TCP11: variants seen among roughly 807,000 people sequenced by gnomAD.
The protein encoded by TCP11 is T-complex protein 11 homolog.
Under a neutral mutation model 45.0 loss-of-function variants are expected in TCP11, and 34 were observed. The observed-to-expected ratio is 0.76, with a 90% CI of 0.57 to 1.01. TCP11 has a LOEUF of 1.01. Ranked by LOEUF, TCP11 falls within the 50% of genes least tolerant of loss-of-function variation. The probability of loss-of-function intolerance (pLI) is 0.00; values close to 1 mark genes in which losing one functional copy is unlikely to be tolerated. For missense variants in TCP11, 523 were observed against 598.1 expected, an observed-to-expected ratio of 0.87 and a Z score of 1.31; for synonymous variants, 227 against 227.0, an observed-to-expected ratio of 1.00 and a Z score of 0.00.
At chr6:35,121,093 A>G (rs1370938444) in intron 5 of TCP11, 48 bp from the exon 6 acceptor site, 13 of 1,525,528 alleles carry the variant, frequency 8.5e-6, no homozygotes, top group Non-Finnish European at 1.1e-5. Context: ...CTAGAAACCC[A>G]CCCAAGGAGT....
intron 1 of TCP11, 55 bp downstream of exon 1, chr6:35,141,150 G>GC: frequency 3.8e-6 from 5 of 1,316,780 alleles, no homozygotes; most frequent in South Asian, 2.0e-5. Context: ...GCGGCGAGGT[G>GC]CCCCCCTCGC....
At chr6:35,135,189 C>T (rs1042405321) in intron 3 of TCP11, among the ~76,000 whole-genome samples, 2 of 151,528 alleles carry the variant, frequency 1.3e-5, no homozygotes, top group Non-Finnish European at 2.9e-5. Flanking sequence ...AATGGGATGT[C>T]ACTTCTGAGA....
At chr6:35,129,613 T>C (rs1433848314) in intron 3 of TCP11, among the ~76,000 whole-genome samples, 1 of 152,222 alleles carries the variant, frequency 6.6e-6, no homozygotes, top group Non-Finnish European at 1.5e-5. Context: ...TCCACAGATA[T>C]TTCCAAATCA....
rs1780131659 is a variant in TCP11 at position 35,129,089 on chromosome 6, A to G, written c.330T>C (p.Ala110=). 6 of 1,614,004 alleles carry G rather than the reference A, an allele frequency of 3.7e-6. No homozygotes were observed. Among genetic ancestry groups the G allele is most frequent in the Non-Finnish European group, 5.1e-6 (6 of 1,180,006 alleles). ...LSATPPDFSC[A]LELLKEIKEI... ...CTTTAATTTCTTTCAGAAGTTCAAG[A>G]GCACAGCTGAAGTCAGGGGGAGTTG... Residue 110 remains alanine (A), a synonymous_variant, in exon 4 of 10, where the codon GCT becomes GCC. Coordinates refer to ENST00000311875, the MANE Select transcript of TCP11 (RefSeq NM_001370687.1).
chr6:35,128,571 G>A (rs1780073401), intron 4 of TCP11: 1 of 153,146 alleles, frequency 6.5e-6, no homozygotes, highest in African/African-American at 2.4e-5. Context: ...CGGTATGTCT[G>A]CCACATACTA....
intron 1 of TCP11, 86 bp downstream of exon 1, chr6:35,141,119 C>T: frequency 2.3e-6 from 3 of 1,302,748 alleles, no homozygotes; most frequent in Non-Finnish European, 2.9e-6. Flanking sequence ...GGGCGGGAAG[C>T]GTGGGAAGGC....
In TCP11 at chr6:35,119,384, C is replaced by T. The variant is rs755339702; in HGVS notation, c.1123G>A (p.Glu375Lys). 1.9e-6 allele frequency: 3 copies of T among 1,614,000 alleles called. No individual in the cohort carries two copies. In the African/African-American group the frequency reaches 4.0e-5, roughly 22 times the overall value. The change falls in exon 9 of 10, where the codon GAA becomes AAA. Residue 375 changes from glutamate (E) to lysine (K), a missense_variant. This residue lies in a region of TCP11 where 298 missense variants were observed against 387.9 expected (regional missense o/e 0.77). Coordinates refer to ENST00000311875, the MANE Select transcript of TCP11 (RefSeq NM_001370687.1). ...LLEDFHSRPE[E>K]AILTVSEQVS... ...TGTTCACTCACAGTCAGTATAGCTT[C>T]CTCAGGCCTAGACCATGAAAGAAAG...
chr6:35,125,780 T>C (rs1299502165), intron 4 of TCP11, among the ~76,000 whole-genome samples: 1 of 152,210 alleles, frequency 6.6e-6, no homozygotes, highest in African/African-American at 2.4e-5. Flanking sequence ...TCAACAGATG[T>C]ATGAACAAAA....
At chr6:35,135,084 T>G (rs1447703193) in intron 3 of TCP11, among the ~76,000 whole-genome samples, 1 of 150,972 alleles carries the variant, frequency 6.6e-6, no homozygotes, top group Non-Finnish European at 1.5e-5. Context: ...GAGGCAGAGG[T>G]TGCAGTGAGC....
chr6:35,131,122 A>G (rs539549019), intron 3 of TCP11, among the ~76,000 whole-genome samples: 1 of 152,280 alleles, frequency 6.6e-6, no homozygotes, highest in African/African-American at 2.4e-5. Flanking sequence ...AAAATACAAA[A>G]ATTAGCTGGG....
chr6:35,135,894 G>C (rs1332411351), intron 3 of TCP11, among the ~76,000 whole-genome samples: 2 of 152,130 alleles, frequency 1.3e-5, no homozygotes, highest in Non-Finnish European at 2.9e-5. Context: ...GTGTTGCTTT[G>C]GTTTATTTGT....
intron 3 of TCP11, among the ~76,000 whole-genome samples, chr6:35,130,266 G>C (rs1443386254): frequency 6.6e-6 from 1 of 152,144 alleles, no homozygotes; most frequent in African/African-American, 2.4e-5. Flanking sequence ...GATAACATAG[G>C]AGGAAATATA....
chr6:35,119,145 C>T, intron 9 of TCP11, 83 bp downstream of exon 9: 1 of 1,538,882 alleles, frequency 6.5e-7, no homozygotes. Flanking sequence ...AATGACCATG[C>T]TTCATGTTGT....
chr6:35,141,245 C>T lies in TCP11; in HGVS notation c.-55G>A, dbSNP rs1301083752. ...CGCGGGTCATCCACTGGCGTCCGCT[C>T]GGTGGGCCTCGCGGCCTGGCGGCCT... is the stretch of plus-strand genomic sequence containing the variant. On this transcript the variant is annotated 5_prime_UTR_variant, in exon 1 of 10. Transcript: ENST00000311875. The T allele has an allele frequency of 8.2e-6, 11 of 1,333,606 alleles. No homozygotes were observed. The highest frequency in any genetic ancestry group is 3.8e-5 in the Admixed American group (1 of 26,236). The allele number at this position is 1,333,606 out of a possible 1,614,324, so 82.6% of individuals were successfully genotyped here.
At chr6:35,121,250 T>G (rs545888498) in intron 5 of TCP11, among the ~76,000 whole-genome samples, 3 of 152,254 alleles carry the variant, frequency 2.0e-5, no homozygotes, top group African/African-American at 7.2e-5. Flanking sequence ...TCTCTGGACC[T>G]TGAAGCCTTC....
chr6:35,120,455 C>A lies in TCP11; in HGVS notation c.907G>T (p.Asp303Tyr), dbSNP rs1209828003. 6.3e-7 allele frequency: 1 copy of A among 1,599,268 alleles called. No individual in the cohort carries two copies. The highest frequency in any genetic ancestry group is 8.5e-7 in the Non-Finnish European group (1 of 1,172,682). ...TCAGGGAACTCTTCATTTTCAAGGT[C>A]CCAGAGAAGGAGGTTCAAGAAGCCC... is the stretch of plus-strand genomic sequence containing the variant. Reference protein sequence around the residue: ...CQGFLNLLLWDLENEEFPETL... With the variant: ...CQGFLNLLLWYLENEEFPETL... Residue 303 changes from aspartate (D) to tyrosine (Y), a missense_variant, in exon 7 of 10, where the codon GAC becomes TAC. Physicochemically the swap from Asp to Tyr is radical, Grantham distance 160. Around this residue, in one of 2 missense-constraint regions of TCP11, gnomAD observed 298 missense variants for 387.9 expected, o/e 0.77. Transcript: ENST00000311875. The surrounding 1 kb of genome is among the most constrained non-coding windows in gnomAD (Gnocchi z 4.9).
intron 4 of TCP11, among the ~76,000 whole-genome samples, chr6:35,126,738 A>G (rs116790986): frequency 7.7e-5 from 11 of 143,132 alleles, no homozygotes; most frequent in Non-Finnish European, 1.6e-4. Flanking sequence ...GGCTCACTGC[A>G]ACCTGTGCCT....
intron 2 of TCP11, 47 bp from the exon 3 acceptor site, chr6:35,136,265 T>C: frequency 1.4e-6 from 2 of 1,459,096 alleles, no homozygotes; most frequent in Non-Finnish European, 1.9e-6. Flanking sequence ...ATTTCTATTT[T>C]ATTCAGAGAT....
chr6:35,123,192 C>A (rs1160651427), intron 4 of TCP11, among the ~76,000 whole-genome samples: 3 of 152,316 alleles, frequency 2.0e-5, no homozygotes, highest in South Asian at 4.1e-4. Context: ...GTGGAAGCTT[C>A]TTTGTTCAAA....
Sources: gnomAD v4.1 joint callset for allele counts (sites outside exome capture counted in the v4.1 genomes callset) on GRCh38, gnomAD v4.1.1 for gene constraint, gnomAD v4.1.1 regional missense constraint, Gnocchi (gnomAD v3.1) non-coding constraint, MANE v1.5 for transcripts, NCBI Gene and HGNC (gene_info 2026-07-23, HGNC 2026-07-21) for gene names.